SAMD7: variants seen among roughly 807,000 people sequenced by gnomAD.
SAMD7 encodes sterile alpha motif domain containing 7, also known as sterile alpha motif domain-containing protein 7.
Under a neutral mutation model 36.7 loss-of-function variants are expected in SAMD7, and 34 were observed. That is an observed-to-expected ratio of 0.93 (90% CI 0.71 to 1.23). The LOEUF (loss-of-function observed/expected upper bound fraction) is 1.23, where lower values mean the gene tolerates loss of function less well. SAMD7 is among the 50% of genes most tolerant of loss of function. The pLI, the probability that SAMD7 is intolerant of heterozygous loss-of-function variation, is 0.00. For synonymous variants in SAMD7, 188 were observed against 189.7 expected, an observed-to-expected ratio of 0.99 and a Z score of 0.07; for missense variants, 570 against 546.6, an observed-to-expected ratio of 1.04 and a Z score of -0.43.
At chr3:169,926,302 T>C in intron 5 of SAMD7, 2 of 1,393,736 alleles carry the variant, frequency 1.4e-6, no homozygotes, top group Non-Finnish European at 1.9e-6. Flanking sequence ...CCATCCCTGC[T>C]AAATTTGCCT....
intron 7 of SAMD7, among the ~76,000 whole-genome samples, chr3:169,929,738 T>A (rs1713413780): frequency 1.3e-5 from 2 of 152,334 alleles, no homozygotes; most frequent in Non-Finnish European, 1.5e-5. Context: ...AAATACTCAA[T>A]AAACATGAAT....
chr3:169,935,402 C>T (rs1713682753), intron 7 of SAMD7, among the ~76,000 whole-genome samples: 1 of 152,120 alleles, frequency 6.6e-6, no homozygotes, highest in Non-Finnish European at 1.5e-5. Context: ...GGAGAGACCT[C>T]TCTTCCATTG....
At position 169,932,204 on chromosome 3, in the gene SAMD7, C is replaced by G. The variant is rs1186901528; in HGVS notation, c.1041+3626C>G. 6.4e-6 allele frequency: 5 copies of G among 779,836 alleles called. No homozygotes were observed. In the African/African-American group the frequency reaches 8.8e-5, roughly 14 times the overall value. 48.3% of individuals were successfully genotyped at this position (779,836 alleles called of 1,614,324 possible). ...CACACGTTGCAGTCTTCCTAGGAGA[C>G]TGCAGCCCAGTGGGTGGTTCCCCAG... is the stretch of plus-strand genomic sequence containing the variant. On this transcript the variant is annotated intron_variant, in intron 7 of 8. Coordinates refer to ENST00000335556, the MANE Select transcript of SAMD7 (RefSeq NM_001304366.2).
chr3:169,917,051 G>C (rs1445694464), intron 2 of SAMD7, among the ~76,000 whole-genome samples: 1 of 152,210 alleles, frequency 6.6e-6, no homozygotes, highest in Non-Finnish European at 1.5e-5. Context: ...AGAAAGGAAA[G>C]TATACTGACC....
rs754622917 is a variant in SAMD7 at position 169,927,179 on chromosome 3, C to T, written c.917C>T (p.Pro306Leu). 3.9e-6 allele frequency: 6 copies of T among 1,523,634 alleles called. No individual in the cohort carries two copies. Among genetic ancestry groups the T allele is most frequent in the Non-Finnish European group, 5.3e-6 (6 of 1,139,996 alleles). 94.4% of individuals were successfully genotyped at this position (1,523,634 alleles called of 1,614,324 possible). The change falls in exon 6 of 9, where the codon CCA becomes CTA. Residue 306 changes from proline (P) to leucine (L), a missense_variant and splice_region_variant. Coordinates refer to ENST00000335556, the MANE Select transcript of SAMD7 (RefSeq NM_001304366.2). ...CCTCCAGTTCCTCGACCATCTCTGC[C>T]AGGTGGGTGTCCAGGGGCCAATGGC... ...VCPPVPRPSL[P>L]GTHALVTIGG...
chr3:169,932,424 G>C (rs368249661), intron 7 of SAMD7: 1 of 619,438 alleles, frequency 1.6e-6, no homozygotes, highest in Non-Finnish European at 3.2e-6. Flanking sequence ...ACCATATGCC[G>C]GTTATGATAG....
chr3:169,919,359 T>TCA, intron 2 of SAMD7, 99 bp from the exon 3 acceptor site: 1 of 669,368 alleles, frequency 1.5e-6, no homozygotes, highest in South Asian at 1.9e-5. Flanking sequence ...TTCCCAAGTG[T>TCA]TGTGAAAATA....
intron 1 of SAMD7, among the ~76,000 whole-genome samples, chr3:169,915,146 A>G (rs1436224212): frequency 6.6e-6 from 1 of 152,140 alleles, no homozygotes; most frequent in African/African-American, 2.4e-5. Flanking sequence ...TGATGGGCCA[A>G]CTCTTTGCCC....
Position 169,926,552 on chromosome 3 carries a change from G to A in SAMD7, c.291-1G>A. The A allele has an allele frequency of 6.2e-7, 1 of 1,601,372 alleles. No homozygotes were observed. Among genetic ancestry groups the A allele is most frequent in the East Asian group, 2.2e-5 (1 of 44,648 alleles). On this transcript the variant is annotated splice_acceptor_variant, in intron 5 of 8. Coordinates refer to ENST00000335556, the MANE Select transcript of SAMD7 (RefSeq NM_001304366.2). LOFTEE classifies it high-confidence loss of function. ...TATAAAATATATTGTTTTGTTTTTA[G>A]GACAGAAATGGAAATGTATGCTATT...
chr3:169,932,428 A>G (rs947279430), intron 7 of SAMD7: 1 of 618,932 alleles, frequency 1.6e-6, no homozygotes. Flanking sequence ...TATGCCGGTT[A>G]TGATAGACAC....
At chr3:169,925,626 C>T (rs1713227538) in intron 5 of SAMD7, among the ~76,000 whole-genome samples, 1 of 152,118 alleles carries the variant, frequency 6.6e-6, no homozygotes, top group South Asian at 2.1e-4. Context: ...ACTCAGGAGG[C>T]TGAGGCAGAG....
Position 169,922,881 on chromosome 3 carries a change from G to A in SAMD7, c.211+1543G>A, listed in dbSNP as rs111668352. On this transcript the variant is annotated intron_variant, in intron 4 of 8. Coordinates refer to ENST00000335556, the MANE Select transcript of SAMD7 (RefSeq NM_001304366.2). The stretch of plus-strand genomic sequence containing the variant: ...GAGAGAGTGAGCAACTGTGTCAAGT[G>A]TGCCATCTGCAGAGCAAGTAAGATG... 9.7e-3 allele frequency among the ~76,000 whole-genome samples: 1,473 copies of A among 152,318 alleles called. 25 individuals carry two copies. The highest frequency in any genetic ancestry group is 0.034 in the African/African-American group (1,411 of 41,564).
At chr3:169,934,186 G>A (rs6765033) in intron 7 of SAMD7, among the ~76,000 whole-genome samples, 14,563 of 152,096 alleles carry the variant, frequency 0.096, 812 homozygotes, top group East Asian at 0.16. Context: ...AGTAGGGAGC[G>A]GCATGGTTAG....
intron 2 of SAMD7, among the ~76,000 whole-genome samples, chr3:169,915,813 G>T (rs1712773635): frequency 6.6e-6 from 1 of 151,730 alleles, no homozygotes; most frequent in Non-Finnish European, 1.5e-5. Context: ...CCTGACCTCA[G>T]ATGATCCACC....
intron 4 of SAMD7, 118 bp downstream of exon 4, chr3:169,921,456 T>G (rs1286597048): frequency 9.2e-6 from 9 of 973,918 alleles, no homozygotes; most frequent in Middle Eastern, 2.2e-4. Flanking sequence ...GGTGGTTGTC[T>G]CTGCAGTCTC....
chr3:169,936,459 T>C lies in SAMD7; in HGVS notation c.1152+10T>C, dbSNP rs1713721635. 1.7e-5 allele frequency: 25 copies of C among 1,439,012 alleles called. No individual in the cohort carries two copies. Among genetic ancestry groups the C allele is most frequent in the Non-Finnish European group, 2.3e-5 (24 of 1,022,658 alleles). The allele number at this position is 1,439,012 out of a possible 1,614,324, so 89.1% of individuals were successfully genotyped here. On this transcript the variant is annotated intron_variant, in intron 8 of 8. Transcript: ENST00000335556. ...AAAAATTCAGTCACAGGTATGGTGA[T>C]TTTATATAACTAATTATGTATTAAT...
At chr3:169,925,298 A>C (rs1713211888) in intron 5 of SAMD7, among the ~76,000 whole-genome samples, 162 bp downstream of exon 5, 1 of 152,182 alleles carries the variant, frequency 6.6e-6, no homozygotes, top group African/African-American at 2.4e-5. Context: ...ACAAAAAGAA[A>C]CATAGTCTGC....
intron 5 of SAMD7, 182 bp from the exon 6 acceptor site, chr3:169,926,371 G>A: frequency 8.3e-7 from 1 of 1,211,960 alleles, no homozygotes; most frequent in Non-Finnish European, 1.1e-6. Context: ...GTGAGACTCA[G>A]ACAAAGCTTC....
chr3:169,932,101 G>A (rs570068682), intron 7 of SAMD7: 29 of 521,300 alleles, frequency 5.6e-5, no homozygotes, highest in South Asian at 1.4e-4. Context: ...GCCAAGCAGC[G>A]TTTCACTACT....
Sources: gnomAD v4.1 joint callset for allele counts (sites outside exome capture counted in the v4.1 genomes callset) on GRCh38, gnomAD v4.1.1 for gene constraint, MANE v1.5 for transcripts, NCBI Gene and HGNC (gene_info 2026-07-23, HGNC 2026-07-21) for gene names.